The following GPT variants were observed in gnomAD, a reference collection of about 807,000 sequenced individuals.
GPT encodes the protein alanine aminotransferase 1.
Under a neutral mutation model 51.4 loss-of-function variants are expected in GPT, and 60 were observed. The observed-to-expected ratio is 1.17, with a 90% CI of 0.95 to 1.45. The LOEUF (loss-of-function observed/expected upper bound fraction) is 1.45, where lower values mean the gene tolerates loss of function less well. GPT is among the 40% of genes most tolerant of loss of function. GPT has a pLI of 0.00. For missense variants in GPT, 853 were observed against 704.0 expected (o/e 1.21, Z -2.40); for synonymous variants, 397 against 303.1 (o/e 1.31, Z -3.22).
chr8:144,506,762 G>A lies in GPT; in HGVS notation c.1319G>A (p.Cys440Tyr), dbSNP rs1564779231. ...ELGLAPDMFFCLRLLEETGIC... is the reference protein window; with the variant it reads ...ELGLAPDMFFYLRLLEETGIC... ...GGCCTGGCCCCCGATATGTTCTTCT[G>A]CCTGCGCCTCCTGGAGGAGACCGGC... The change falls in exon 10 of 11, where the codon TGC becomes TAC. Residue 440 changes from cysteine to tyrosine, a missense_variant. By Grantham distance (194) the Cys-to-Tyr change is radical. Coordinates refer to ENST00000394955, the MANE Select transcript of GPT (RefSeq NM_005309.3). This position sits in a 1 kb window ranked among gnomAD's most constrained non-coding sequence, Gnocchi z 7.0. The A allele has an allele frequency of 3.7e-6, 6 of 1,612,278 alleles. 1 individual carries two copies. The highest frequency in any genetic ancestry group is 2.2e-5 in the South Asian group (2 of 91,082).
In GPT at chr8:144,504,366, T is replaced by C. The variant is rs758376636; in HGVS notation, c.62T>C (p.Leu21Pro). The C allele has an allele frequency of 3.7e-6, 6 of 1,611,594 alleles. No homozygotes were observed. Among genetic ancestry groups the C allele is most frequent in the East Asian group, 2.2e-5 (1 of 44,886 alleles). The change falls in exon 1 of 11, where the codon CTG becomes CCG. Residue 21 changes from leucine (L) to proline (P), a missense_variant. By Grantham distance (98) the Leu-to-Pro change is moderately conservative (BLOSUM62 -3). Coordinates refer to ENST00000394955, the MANE Select transcript of GPT (RefSeq NM_005309.3). ...AVRHGLRAKV[L>P]TLDGMNPRVR... ...AGGCATGGACTGAGGGCGAAGGTGC[T>C]GACGCTGGACGGCATGAACCCGCGT...
chr8:144,505,407 C>T lies in GPT; in HGVS notation c.657C>T (p.Ala219=), dbSNP rs373632268. The part of the protein sequence containing the change: ...DEERAWALDV[A]ELHRALGQAR... ...AGCGTGCCTGGGCGCTGGACGTGGC[C>T]GAGCTTCACCGTGCACTGGGCCAGG... The change falls in exon 5 of 11, where the codon GCC becomes GCT. Residue 219 remains alanine (A), a synonymous_variant. Transcript: ENST00000394955. The T allele has an allele frequency of 1.0e-5, 16 of 1,596,114 alleles. No individual in the cohort carries two copies. In the African/African-American group the frequency reaches 1.7e-4, roughly 17 times the overall value.
rs769967846 is a variant in GPT, at chr8:144,505,311, C to T, written c.561C>T (p.Pro187=). ...GCACGGGTGTGCTCATCCCCATCCC[C>T]CAGTACCCACTCTACTCGGCCACGC... ...HTRTGVLIPI[P]QYPLYSATLA... is the part of the protein sequence containing the mutation. The change falls in exon 5 of 11, where the codon CCC becomes CCT. Residue 187 remains proline, a synonymous_variant. Coordinates refer to ENST00000394955, the MANE Select transcript of GPT (RefSeq NM_005309.3). The T allele has an allele frequency of 1.8e-5, 28 of 1,570,428 alleles. No individual in the cohort carries two copies. Among genetic ancestry groups the T allele is most frequent in the Middle Eastern group, 1.7e-4 (1 of 6,038 alleles).
At chr8:144,503,571 G>C (rs1826639509), upstream of GPT, among the ~76,000 whole-genome samples, 1 of 151,664 alleles carries the variant, frequency 6.6e-6, no homozygotes. Flanking sequence ...GCTCATCAGG[G>C]ACCAAGGTCC....
In GPT at chr8:144,505,018, G is replaced by C. The variant is rs200479839; in HGVS notation, c.382G>C (p.Gly128Arg). 9 of 1,612,976 alleles carry C rather than the reference G, an allele frequency of 5.6e-6. No homozygotes were observed. In the Admixed American group the frequency reaches 8.3e-5, roughly 15 times the overall value. ...HSLGAYSVSSGIQLIREDVAR... is the reference protein window; with the variant it reads ...HSLGAYSVSSRIQLIREDVAR... Reference sequence around the variant, plus strand: ...TCCAGGGGCCTACAGCGTCAGCTCCGGCATCCAGCTGATCCGGGAGGACGT... The same window carrying C: ...TCCAGGGGCCTACAGCGTCAGCTCCCGCATCCAGCTGATCCGGGAGGACGT... The change falls in exon 4 of 11, where the codon GGC becomes CGC. Residue 128 changes from glycine (G) to arginine (R), a missense_variant. Gly to Arg is a moderately radical substitution (Grantham distance 125). Transcript: ENST00000394955.
rs762355091 is a variant in GPT at position 144,504,819 on chromosome 8, C to G, written c.301C>G (p.Pro101Ala). 1 of 1,613,734 alleles carries G rather than the reference C, an allele frequency of 6.2e-7. No homozygotes were observed. The highest frequency in any genetic ancestry group is 1.7e-5 in the Admixed American group (1 of 60,034). ...NPDLLSSPNFPDDAKKRAERI... is the reference protein window; with the variant it reads ...NPDLLSSPNFADDAKKRAERI... ...TGATCTTCTGAGCAGCCCCAACTTC[C>G]CTGACGATGCCAAGAAAAGGGCGGA... The change falls in exon 3 of 11, where the codon CCT becomes GCT. Residue 101 changes from proline (P) to alanine (A), a missense_variant. Pro to Ala is a conservative substitution (Grantham distance 27). Coordinates refer to ENST00000394955, the MANE Select transcript of GPT (RefSeq NM_005309.3).
Position 144,507,123 on chromosome 8 carries a change from C to T in GPT, c.*123C>T, listed in dbSNP as rs1482350608. On this transcript the variant is annotated 3_prime_UTR_variant, in exon 11 of 11. Coordinates refer to ENST00000394955, the MANE Select transcript of GPT (RefSeq NM_005309.3). ...GGGTGGGGTGGGGGGGGTGCTGGGC[C>T]CCTGCCTCTCTGCAGGTCCCTAATA... 3 of 707,388 alleles carry T rather than the reference C, an allele frequency of 4.2e-6. No individual in the cohort carries two copies. The highest frequency in any genetic ancestry group is 7.7e-6 in the Non-Finnish European group (3 of 391,672). The allele number at this position is 707,388 out of a possible 1,614,324, so 43.8% of individuals were successfully genotyped here.
upstream of GPT, chr8:144,503,924 A>C: frequency 1.4e-5 from 4 of 284,398 alleles, no homozygotes; most frequent in Non-Finnish European, 2.8e-5. Flanking sequence ...CCCCATGTCT[A>C]GTCCCTCAGA....
intron 1 of GPT, 47 bp downstream of exon 1, chr8:144,504,513 C>G: frequency 6.2e-7 from 1 of 1,607,936 alleles, no homozygotes; most frequent in Non-Finnish European, 8.5e-7. Context: ...AATGGGGTGG[C>G]CGAGTTGGCC....
chr8:144,505,511 C>T, intron 5 of GPT, 22 bp downstream of exon 5: 1 of 1,521,278 alleles, frequency 6.6e-7, no homozygotes, highest in Non-Finnish European at 8.8e-7. Flanking sequence ...GCCGCCCCGC[C>T]CCACTCCCCC....
chr8:144,505,446 C>G lies in GPT; in HGVS notation c.696C>G (p.Cys232Trp). The change falls in exon 5 of 11, where the codon TGC becomes TGG. Residue 232 changes from cysteine (C) to tryptophan (W), a missense_variant. Coordinates refer to ENST00000394955, the MANE Select transcript of GPT (RefSeq NM_005309.3). ...HRALGQARDH[C>W]RPRALCVINP... is the part of the protein sequence containing the mutation. ...CACTGGGCCAGGCGCGTGACCACTG[C>G]CGCCCTCGTGCGCTCTGTGTCATCA... 6.3e-7 allele frequency: 1 copy of G among 1,597,960 alleles called. No homozygotes were observed. The highest frequency in any genetic ancestry group is 1.1e-5 in the South Asian group (1 of 88,382).
Position 144,505,248 on chromosome 8 carries a change from G to C in GPT, c.498G>C (p.Thr166=), listed in dbSNP as rs762168599. Residue 166 remains threonine, a splice_region_variant and synonymous_variant, in exon 5 of 11, where the codon ACG becomes ACC. Transcript: ENST00000394955. ...LSTGASDAIV[T]VLKLLVAGEG... ...TGCCTTCCCCTTCCTTTCCGCAGACGGTGCTGAAGCTGCTGGTGGCCGGCG... is the reference window on the plus strand; with the variant it reads ...TGCCTTCCCCTTCCTTTCCGCAGACCGTGCTGAAGCTGCTGGTGGCCGGCG... The C allele has an allele frequency of 1.1e-5, 17 of 1,606,212 alleles. No homozygotes were observed. Among genetic ancestry groups the C allele is most frequent in the African/African-American group, 1.3e-5 (1 of 74,736 alleles).
rs1410836898 is a variant in GPT at position 144,506,642 on chromosome 8, G to T, written c.1273G>T (p.Val425Leu). 1 of 1,558,272 alleles carries T rather than the reference G, an allele frequency of 6.4e-7. No individual in the cohort carries two copies. Among genetic ancestry groups the T allele is most frequent in the Non-Finnish European group, 8.7e-7 (1 of 1,151,120 alleles). The change falls in exon 9 of 11, where the codon GTG becomes TTG. Residue 425 changes from valine (V) to leucine (L), a missense_variant. Transcript: ENST00000394955. The surrounding 1 kb of genome is among the most constrained non-coding windows in gnomAD (Gnocchi z 7.0). Reference sequence around the variant, plus strand: ...GCGCGTGCAGCTGCCCCCGCGGGCGGTGGAGCGCGCTCAGGTCAGGCGGGG... The same window carrying T: ...GCGCGTGCAGCTGCCCCCGCGGGCGTTGGAGCGCGCTCAGGTCAGGCGGGG... ...FPRVQLPPRA[V>L]ERAQELGLAP...
chr8:144,505,816 C>A, intron 5 of GPT, 32 bp from the exon 6 acceptor site: 1 of 1,537,916 alleles, frequency 6.5e-7, no homozygotes, highest in East Asian at 2.5e-5. Context: ...CCCCTTGGCT[C>A]ACCCAGCACT....
intron 5 of GPT, 59 bp downstream of exon 5, chr8:144,505,548 C>A (rs1826758417): frequency 8.1e-7 from 1 of 1,228,652 alleles, no homozygotes; most frequent in African/African-American, 1.8e-5. Flanking sequence ...TCCCCGCCGC[C>A]CCGCCCCACT....
Position 144,506,587 on chromosome 8 carries a change from C to A in GPT, c.1218C>A (p.Asn406Lys), listed in dbSNP as rs372280992. 6 of 1,573,306 alleles carry A rather than the reference C, an allele frequency of 3.8e-6. No homozygotes were observed. The highest frequency in any genetic ancestry group is 5.2e-6 in the Non-Finnish European group (6 of 1,159,862). ...VFNEAPGISC[N>K]PVQGAMYSFP... ...ATGAGGCTCCTGGCATCAGCTGCAA[C>A]CCAGTGCAGGGCGCCATGTACTCCT... The change falls in exon 9 of 11, where the codon AAC becomes AAA. Residue 406 changes from asparagine (N) to lysine (K), a missense_variant. Physicochemically the swap from Asn to Lys is moderately conservative, Grantham distance 94. Coordinates refer to ENST00000394955, the MANE Select transcript of GPT (RefSeq NM_005309.3). The surrounding 1 kb of genome is among the most constrained non-coding windows in gnomAD (Gnocchi z 7.0).
chr8:144,503,991 G>A (rs540431167), upstream of GPT: 10 of 463,444 alleles, frequency 2.2e-5, no homozygotes, highest in Non-Finnish European at 3.6e-5. Context: ...CTCTCCCTTC[G>A]TGGGGACACT....
rs1826671406 is a variant in GPT at position 144,504,239 on chromosome 8, G to A, written c.-66G>A. 6.4e-7 allele frequency: 1 copy of A among 1,556,732 alleles called. No individual in the cohort carries two copies. The highest frequency in any genetic ancestry group is 1.3e-5 in the African/African-American group (1 of 74,346). On this transcript the variant is annotated 5_prime_UTR_variant, in exon 1 of 11. Transcript: ENST00000394955. ...CTGGCCCACTAAGCCAGACCCAGCT[G>A]TCGCCATTCCCACTTCTGGTCCTGC...
At position 144,505,461 on chromosome 8, in the gene GPT, C is replaced by G. The variant is rs1419626161; in HGVS notation, c.711C>G (p.Leu237=). The change falls in exon 5 of 11, where the codon CTC becomes CTG. Residue 237 remains leucine (L), a synonymous_variant. Coordinates refer to ENST00000394955, the MANE Select transcript of GPT (RefSeq NM_005309.3). ...QARDHCRPRA[L]CVINPGNPTG... ...GTGACCACTGCCGCCCTCGTGCGCT[C>G]TGTGTCATCAACCCTGGCAACCCCA... is the stretch of plus-strand genomic sequence containing the variant. The G allele has an allele frequency of 6.3e-7, 1 of 1,594,270 alleles. No individual in the cohort carries two copies. The highest frequency in any genetic ancestry group is 8.5e-7 in the Non-Finnish European group (1 of 1,172,878).
Sources: gnomAD v4.1 joint callset for allele counts (sites outside exome capture counted in the v4.1 genomes callset) on GRCh38, gnomAD v4.1.1 for gene constraint, Gnocchi (gnomAD v3.1) non-coding constraint, MANE v1.5 for transcripts, NCBI Gene and HGNC (gene_info 2026-07-23, HGNC 2026-07-21) for gene names.